DCUN1D4: variants seen among roughly 807,000 people sequenced by gnomAD.
DCUN1D4 encodes DCN1-like protein 4.
In DCUN1D4, 22 loss-of-function variants were observed where a neutral mutation model predicts 47.9. The ratio of observed to expected loss-of-function variants is 0.46; its 90% CI spans 0.33 to 0.66. DCUN1D4 has a LOEUF of 0.66. Among genes scored for constraint, DCUN1D4 ranks in the 30% least tolerant of loss-of-function variants. The pLI is 0.02. For synonymous variants in DCUN1D4, 121 were observed against 112.2 expected (o/e 1.08, Z -0.50); for missense variants, 301 against 340.8 (o/e 0.88, Z 0.92).
chr4:51,867,433 G>T (rs1034472160), intron 3 of DCUN1D4, among the ~76,000 whole-genome samples: 2 of 152,166 alleles, frequency 1.3e-5, no homozygotes, highest in South Asian at 4.1e-4. Context: ...TTCTTGTCCC[G>T]CATCCAGGAA....
chr4:51,886,622 G>A lies in DCUN1D4; in HGVS notation c.398G>A (p.Gly133Asp). Residue 133 changes from glycine to aspartate, a missense_variant, in exon 6 of 11, where the codon GGT (glycine) becomes GAT (aspartate). By Grantham distance (94) the Gly-to-Asp change is moderately conservative. This residue lies in a region of DCUN1D4 where 170 missense variants were observed against 234.5 expected (regional missense o/e 0.73). Transcript: ENST00000334635. ...EGMEKFCEDI[G>D]VEPENVVMLV... The stretch of plus-strand genomic sequence containing the variant: ...ATGGAGAAATTTTGTGAAGACATTG[G>A]TGTTGAACCAGAAAACGTGAGTCAA... 6.2e-7 allele frequency: 1 copy of A among 1,613,976 alleles called. No homozygotes were observed. Among genetic ancestry groups the A allele is most frequent in the African/African-American group, 1.3e-5 (1 of 75,054 alleles).
chr4:51,887,560 T>C (rs1169836538), intron 6 of DCUN1D4, among the ~76,000 whole-genome samples: 2 of 152,230 alleles, frequency 1.3e-5, no homozygotes, highest in Non-Finnish European at 2.9e-5. Context: ...ACTATGCTTA[T>C]ACACATGCCC....
intron 3 of DCUN1D4, among the ~76,000 whole-genome samples, chr4:51,867,114 C>T (rs950832243): frequency 6.6e-5 from 10 of 152,234 alleles, no homozygotes; most frequent in East Asian, 3.8e-4. Flanking sequence ...CCAGCACAGG[C>T]GCCAGTACAG....
chr4:51,878,719 T>G (rs1728074000), intron 5 of DCUN1D4, among the ~76,000 whole-genome samples: 1 of 152,236 alleles, frequency 6.6e-6, no homozygotes, highest in Non-Finnish European at 1.5e-5. Flanking sequence ...TGAAATGATT[T>G]TCTCCGTTTT....
At chr4:51,851,532 T>G (rs1177468462) in intron 1 of DCUN1D4, among the ~76,000 whole-genome samples, 6 of 139,676 alleles carry the variant, frequency 4.3e-5, no homozygotes, top group Admixed American at 7.2e-5. Flanking sequence ...GAGGGGAAGG[T>G]GAGGTGCAGG....
intron 8 of DCUN1D4, among the ~76,000 whole-genome samples, chr4:51,902,880 G>T (rs1452947873): frequency 1.3e-5 from 2 of 151,508 alleles, no homozygotes; most frequent in Non-Finnish European, 2.9e-5. Flanking sequence ...TAGTTGCTCT[G>T]GGTGTTCCAG....
intron 4 of DCUN1D4, among the ~76,000 whole-genome samples, chr4:51,876,204 T>C (rs143665337): frequency 6.7e-5 from 10 of 149,520 alleles, no homozygotes; most frequent in South Asian, 2.1e-4. Context: ...CAAGAAAATG[T>C]GGCACATATA....
chr4:51,914,910 A>T lies in DCUN1D4; in HGVS notation c.*1326A>T, dbSNP rs1392517213. ...ACTATCTGGTGCTATTGAATGACTA[A>T]TTCAGTCCCTAAAGTTCTGTGAAAA... On this transcript the variant is annotated 3_prime_UTR_variant, in exon 11 of 11. Coordinates refer to ENST00000334635, the MANE Select transcript of DCUN1D4 (RefSeq NM_001040402.3). 1 of 150,994 alleles carries T rather than the reference A, an allele frequency of 6.6e-6. No homozygotes were observed. The highest frequency in any genetic ancestry group is 2.0e-4 in the East Asian group (1 of 5,124). 9.4% of individuals were successfully genotyped at this position (150,994 alleles called of 1,614,324 possible).
At chr4:51,903,125 T>G (rs996830069) in intron 8 of DCUN1D4, among the ~76,000 whole-genome samples, 5 of 152,172 alleles carry the variant, frequency 3.3e-5, no homozygotes, top group Non-Finnish European at 7.4e-5. Flanking sequence ...CATATATATC[T>G]ATGCTCCTTA....
At chr4:51,876,848 A>G (rs946924925) in intron 4 of DCUN1D4, among the ~76,000 whole-genome samples, 1 of 152,366 alleles carries the variant, frequency 6.6e-6, no homozygotes, top group East Asian at 1.9e-4. Context: ...ATATTCTTAC[A>G]TACTATGAAA....
intron 8 of DCUN1D4, among the ~76,000 whole-genome samples, chr4:51,902,791 T>C (rs975464217): frequency 3.3e-5 from 5 of 152,146 alleles, no homozygotes; most frequent in Non-Finnish European, 7.4e-5. Context: ...ATCCCACCTA[T>C]TTTTTGTTCC....
intron 6 of DCUN1D4, among the ~76,000 whole-genome samples, chr4:51,888,736 A>AAC (rs1729944074): frequency 6.7e-6 from 1 of 150,276 alleles, no homozygotes. Flanking sequence ...AAAAAAAAAA[A>AAC]AAAAAAACTC....
rs776449096 is a variant in DCUN1D4, at chr4:51,914,914, A to C, written c.*1330A>C. 3.3e-5 allele frequency: 5 copies of C among 149,842 alleles called. No homozygotes were observed. The Middle Eastern group carries it at 0.011, about 317-fold the overall frequency. The allele number at this position is 149,842 out of a possible 1,614,324, so 9.3% of individuals were successfully genotyped here. A position where few individuals can be genotyped will look rare whatever the true frequency, so the allele number is the denominator to read the frequency against. ...TCTGGTGCTATTGAATGACTAATTC[A>C]GTCCCTAAAGTTCTGTGAAAACACA... On this transcript the variant is annotated 3_prime_UTR_variant, in exon 11 of 11. Coordinates refer to ENST00000334635, the MANE Select transcript of DCUN1D4 (RefSeq NM_001040402.3).
intron 3 of DCUN1D4, among the ~76,000 whole-genome samples, chr4:51,870,468 A>G (rs1248716206): frequency 6.6e-6 from 1 of 151,166 alleles, no homozygotes; most frequent in Admixed American, 6.6e-5. Context: ...ATGGTGTTTT[A>G]TTTACTCATA....
chr4:51,881,321 A>G (rs1728576811), intron 5 of DCUN1D4, among the ~76,000 whole-genome samples: 1 of 152,196 alleles, frequency 6.6e-6, no homozygotes, highest in Non-Finnish European at 1.5e-5. Flanking sequence ...TCTATTTTGG[A>G]TTAAGTTCTA....
In DCUN1D4 at chr4:51,915,784, A is replaced by G. The variant is rs1207019373; in HGVS notation, c.*2200A>G. The G allele has an allele frequency of 3.9e-5, 6 of 152,574 alleles. No individual in the cohort carries two copies. Among genetic ancestry groups the G allele is most frequent in the Admixed American group, 3.9e-4 (6 of 15,260 alleles). 9.5% of individuals were successfully genotyped at this position (152,574 alleles called of 1,614,324 possible). On this transcript the variant is annotated 3_prime_UTR_variant, in exon 11 of 11. Transcript: ENST00000334635. The stretch of plus-strand genomic sequence containing the variant: ...AGGGAGATGTTACAGTTAATCCACA[A>G]TCAACATTTTGATGGTAGGGAAAAA...
chr4:51,837,392 G>C, the DCUN1D4 span, among the ~76,000 whole-genome samples: 1 of 152,182 alleles, frequency 6.6e-6, no homozygotes, highest in Admixed American at 6.5e-5. Context: ...CTTAGGCCGG[G>C]CGCGGTGGCT....
intron 1 of DCUN1D4, among the ~76,000 whole-genome samples, 172 bp from the exon 2 acceptor site, chr4:51,863,265 T>C (rs1725357942): frequency 6.6e-6 from 1 of 152,240 alleles, no homozygotes; most frequent in Admixed American, 6.5e-5. Flanking sequence ...AATTTAACTT[T>C]ATTGTCAGAC....
chr4:51,881,732 A>C (rs1314404310), intron 5 of DCUN1D4, among the ~76,000 whole-genome samples: 1 of 151,956 alleles, frequency 6.6e-6, no homozygotes, highest in Non-Finnish European at 1.5e-5. Flanking sequence ...ACTTTGTGTT[A>C]GCCAGTGGTG....
Sources: gnomAD v4.1 joint callset for allele counts (sites outside exome capture counted in the v4.1 genomes callset) on GRCh38, gnomAD v4.1.1 for gene constraint, gnomAD v4.1.1 regional missense constraint, MANE v1.5 for transcripts, NCBI Gene and HGNC (gene_info 2026-07-23, HGNC 2026-07-21) for gene names.